Variants in FGD5 observed in about 807,000 individuals in gnomAD.
The protein encoded by FGD5 is FYVE, RhoGEF and PH domain containing 5.
In FGD5, 28 loss-of-function variants were observed where a neutral mutation model predicts 133.4. That is an observed-to-expected ratio of 0.21 (90% CI 0.16 to 0.29). The LOEUF is 0.29. Among genes scored for constraint, FGD5 ranks in the 10% least tolerant of loss-of-function variants. FGD5 has a pLI of 1.00. For synonymous variants in FGD5, 810 were observed against 776.5 expected, an observed-to-expected ratio of 1.04 and a Z score of -0.72; for missense variants, 1,858 against 1,895.2, an observed-to-expected ratio of 0.98 and a Z score of 0.36.
chr3:14,818,804 A>G (rs1205241946), upstream of FGD5, among the ~76,000 whole-genome samples: 1 of 152,226 alleles, frequency 6.6e-6, no homozygotes, highest in Non-Finnish European at 1.5e-5. Flanking sequence ...ATTCTGGTGG[A>G]GGGCATAAGC....
intron 1 of FGD5, among the ~76,000 whole-genome samples, chr3:14,830,418 C>T (rs921630263): frequency 4.6e-5 from 7 of 152,246 alleles, no homozygotes; most frequent in Non-Finnish European, 8.8e-5. Context: ...GTGTCAGGAA[C>T]GCACTCATTG....
intron 9 of FGD5, 114 bp from the exon 10 acceptor site, chr3:14,907,526 C>A: frequency 1.1e-6 from 1 of 938,788 alleles, no homozygotes; most frequent in Non-Finnish European, 1.6e-6. Context: ...TTGGGGCAGG[C>A]CTTTCCGGGC....
intron 2 of FGD5, among the ~76,000 whole-genome samples, chr3:14,873,107 G>T (rs766216156): frequency 2.0e-5 from 3 of 152,162 alleles, no homozygotes; most frequent in Non-Finnish European, 4.4e-5. Flanking sequence ...TTTAACATTA[G>T]TGCTGGTCAG....
intron 18 of FGD5, chr3:14,932,175 C>T (rs181942162): frequency 1.2e-4 from 20 of 160,188 alleles, no homozygotes; most frequent in Admixed American, 8.8e-4. Flanking sequence ...CTCTGCCTCC[C>T]GGGTTCAAGC....
chr3:14,898,123 G>A (rs1326651574), intron 6 of FGD5, 28 bp downstream of exon 6: 2 of 1,613,238 alleles, frequency 1.2e-6, no homozygotes, highest in Non-Finnish European at 1.7e-6. Flanking sequence ...CTGAGACCCT[G>A]CTGTAAGGAT....
chr3:14,828,514 A>G (rs2036644328), intron 1 of FGD5, among the ~76,000 whole-genome samples: 1 of 152,160 alleles, frequency 6.6e-6, no homozygotes, highest in African/African-American at 2.4e-5. Flanking sequence ...ACTAAACACA[A>G]ATACCATCTC....
chr3:14,824,375 T>G (rs916656978), intron 1 of FGD5, among the ~76,000 whole-genome samples: 1 of 152,142 alleles, frequency 6.6e-6, no homozygotes, highest in African/African-American at 2.4e-5. Flanking sequence ...CTGAGACCTC[T>G]GCCTAGGGGT....
At chr3:14,898,895 G>T in intron 7 of FGD5, 69 bp downstream of exon 7, 1 of 1,396,560 alleles carries the variant, frequency 7.2e-7, no homozygotes, top group South Asian at 1.2e-5. Flanking sequence ...GAGGGGTGGA[G>T]GGGACTGTGG....
At chr3:14,829,714 G>T (rs73814189) in intron 1 of FGD5, among the ~76,000 whole-genome samples, 1 of 152,112 alleles carries the variant, frequency 6.6e-6, no homozygotes, top group Admixed American at 6.5e-5. Flanking sequence ...AATGAAGTTG[G>T]GGGGAGGTCA....
intron 11 of FGD5, among the ~76,000 whole-genome samples, chr3:14,915,630 T>A (rs1383961101): frequency 2.6e-5 from 4 of 152,096 alleles, no homozygotes; most frequent in Non-Finnish European, 5.9e-5. Flanking sequence ...TGGCGCCATA[T>A]GTCCGGGGCT....
At chr3:14,923,688 TG>T (rs1284222984) in intron 16 of FGD5, among the ~76,000 whole-genome samples, 3 of 152,134 alleles carry the variant, frequency 2.0e-5, no homozygotes, top group Non-Finnish European at 4.4e-5. Context: ...AGGTGTATCT[TG>T]GGCCTAAAAC....
At chr3:14,823,608 C>T (rs1025154333) in intron 1 of FGD5, among the ~76,000 whole-genome samples, 5 of 152,206 alleles carry the variant, frequency 3.3e-5, no homozygotes, top group Admixed American at 6.5e-5. Flanking sequence ...AAGGCACTTG[C>T]GTAAGATCTC....
Position 14,819,226 on chromosome 3 carries a change from C to T in FGD5, c.155C>T (p.Ser52Phe). Residue 52 changes from serine to phenylalanine, a missense_variant, in exon 1 of 20, where the codon TCC becomes TTC. By Grantham distance (155) the Ser-to-Phe change is radical (BLOSUM62 -2). This residue lies in a region of FGD5 where 1,824 missense variants were observed against 1,848.9 expected (regional missense o/e 0.99). Transcript: ENST00000285046. The surrounding 1 kb of genome is among the most constrained non-coding windows in gnomAD (Gnocchi z 4.1). ...VDRGLDEGPRSIPKCSESETD... is the reference protein window; with the variant it reads ...VDRGLDEGPRFIPKCSESETD... ...AGGGGGCTTGATGAGGGGCCCCGGT[C>T]CATCCCAAAGTGCTCTGAGTCGGAG... 1 of 1,547,898 alleles carries T rather than the reference C, an allele frequency of 6.5e-7. No individual in the cohort carries two copies.
At chr3:14,932,817 C>A in intron 19 of FGD5, 86 bp downstream of exon 19, 2 of 1,477,422 alleles carry the variant, frequency 1.4e-6, no homozygotes, top group Non-Finnish European at 1.8e-6. Context: ...TTCTGTTCTG[C>A]TCCATTCATC....
Position 14,898,107 on chromosome 3 carries a change from G to C in FGD5, c.3066+12G>C. 6.2e-7 allele frequency: 1 copy of C among 1,613,922 alleles called. No individual in the cohort carries two copies. Among genetic ancestry groups the C allele is most frequent in the South Asian group, 1.1e-5 (1 of 91,074 alleles). ...TCCGTGAATTTGAGGTGGGTCCCTT[G>C]GTCCTCTGAGACCCTGCTGTAAGGA... is the stretch of plus-strand genomic sequence containing the variant. On this transcript the variant is annotated intron_variant, in intron 6 of 19. Transcript: ENST00000285046.
In FGD5 at chr3:14,820,649, G is replaced by A; in HGVS notation, c.1578G>A (p.Leu526=). The A allele has an allele frequency of 6.2e-7, 1 of 1,602,252 alleles. No homozygotes were observed. Among genetic ancestry groups the A allele is most frequent in the Admixed American group, 1.7e-5 (1 of 58,256 alleles). The change falls in exon 1 of 20, where the codon TTG becomes TTA. Residue 526 remains leucine, a synonymous_variant. Transcript: ENST00000285046. The part of the protein sequence containing the change: ...AEEVGKTLLS[L]EGKPLEASRA... ...AGGTGGGAAAGACGCTTTTGTCATTGGAGGGGAAGCCCTTGGAAGCCAGCA... is the reference window on the plus strand; with the variant it reads ...AGGTGGGAAAGACGCTTTTGTCATTAGAGGGGAAGCCCTTGGAAGCCAGCA...
At chr3:14,814,487 G>T (rs1221369408), upstream of FGD5, among the ~76,000 whole-genome samples, 1 of 152,068 alleles carries the variant, frequency 6.6e-6, no homozygotes, top group Non-Finnish European at 1.5e-5. Flanking sequence ...TTTGTGATGC[G>T]GGTGAGTAGG....
chr3:14,814,700 G>T (rs1340090694), upstream of FGD5, among the ~76,000 whole-genome samples: 1 of 152,120 alleles, frequency 6.6e-6, no homozygotes, highest in Non-Finnish European at 1.5e-5. Context: ...AGAAGCCAGA[G>T]CCTGCTTGAC....
chr3:14,922,950 G>T lies in FGD5; in HGVS notation c.3808-96G>T, dbSNP rs1575261946. 6.4e-7 allele frequency: 1 copy of T among 1,560,164 alleles called. No homozygotes were observed. The highest frequency in any genetic ancestry group is 2.3e-5 in the East Asian group (1 of 44,422). On this transcript the variant is annotated intron_variant, in intron 15 of 19. Transcript: ENST00000285046. The surrounding 1 kb of genome is among the most constrained non-coding windows in gnomAD (Gnocchi z 4.1). ...CAGAACCTGGGGCTCCCTAGGGGCA[G>T]TTGTGGGTGGATTAGCAGAGGGAGC... is the stretch of plus-strand genomic sequence containing the variant.
Sources: gnomAD v4.1 joint callset for allele counts (sites outside exome capture counted in the v4.1 genomes callset) on GRCh38, gnomAD v4.1.1 for gene constraint, gnomAD v4.1.1 regional missense constraint, Gnocchi (gnomAD v3.1) non-coding constraint, MANE v1.5 for transcripts, NCBI Gene and HGNC (gene_info 2026-07-23, HGNC 2026-07-21) for gene names.